The following ATP13A5 variants were observed in gnomAD, a reference collection of about 807,000 sequenced individuals.
ATP13A5 encodes the protein probable cation-transporting ATPase 13A5.
Under a neutral mutation model 150.2 loss-of-function variants are expected in ATP13A5, and 149 were observed. The ratio of observed to expected loss-of-function variants is 0.99; its 90% CI spans 0.87 to 1.14. The LOEUF is 1.14. ATP13A5 is among the 50% of genes most tolerant of loss of function. The pLI, the probability that ATP13A5 is intolerant of heterozygous loss-of-function variation, is 0.00. For synonymous variants in ATP13A5, 497 were observed against 522.2 expected (o/e 0.95, Z 0.66); for missense variants, 1,383 against 1,449.3 (o/e 0.95, Z 0.74).
intron 16 of ATP13A5, among the ~76,000 whole-genome samples, chr3:193,320,007 T>C (rs1001931492): frequency 2.6e-5 from 4 of 152,248 alleles, no homozygotes; most frequent in Admixed American, 1.3e-4. Context: ...AGGTGAAAGA[T>C]GACACAATGC....
At chr3:193,360,835 C>G (rs1386271327) in intron 5 of ATP13A5, among the ~76,000 whole-genome samples, 3 of 152,144 alleles carry the variant, frequency 2.0e-5, no homozygotes, top group African/African-American at 7.2e-5. Context: ...GGCCACCACG[C>G]CTGGCTAACT....
At chr3:193,285,597 A>T (rs1471469439) in intron 26 of ATP13A5, among the ~76,000 whole-genome samples, 2 of 152,098 alleles carry the variant, frequency 1.3e-5, no homozygotes, top group Non-Finnish European at 2.9e-5. Context: ...ATTAAGCTCA[A>T]ACTTCTCCAA....
intron 9 of ATP13A5, among the ~76,000 whole-genome samples, chr3:193,336,304 T>G (rs1711857419): frequency 6.6e-6 from 1 of 152,166 alleles, no homozygotes; most frequent in Non-Finnish European, 1.5e-5. Context: ...TTGTTACATA[T>G]GTATACATGT....
At chr3:193,321,592 C>G in intron 16 of ATP13A5, 89 bp downstream of exon 16, 1 of 1,445,722 alleles carries the variant, frequency 6.9e-7, no homozygotes. Flanking sequence ...GATCGTGCCA[C>G]TGCACTCCAG....
intron 27 of ATP13A5, among the ~76,000 whole-genome samples, chr3:193,281,874 G>A (rs75480165): frequency 0.011 from 1,600 of 152,176 alleles, 53 homozygotes; most frequent in East Asian, 0.072. Context: ...CTCAATTCAT[G>A]TAAAAGGACT....
intron 16 of ATP13A5, among the ~76,000 whole-genome samples, chr3:193,321,080 C>G (rs1377616837): frequency 6.6e-6 from 1 of 152,168 alleles, no homozygotes; most frequent in African/African-American, 2.4e-5. Context: ...ATTCACACCT[C>G]CCCTAGTTCT....
At chr3:193,308,434 G>C (rs2108848103) in intron 21 of ATP13A5, among the ~76,000 whole-genome samples, 1 of 152,282 alleles carries the variant, frequency 6.6e-6, no homozygotes, top group Admixed American at 6.5e-5. Flanking sequence ...ACTCCAGCCT[G>C]GGCAACAAAG....
At chr3:193,276,899 A>C (rs1444706326) in intron 28 of ATP13A5, 69 bp from the exon 29 acceptor site, 1 of 1,130,392 alleles carries the variant, frequency 8.8e-7, no homozygotes, top group African/African-American at 1.6e-5. Context: ...CATATTAATT[A>C]TTTAATTTAT....
intron 5 of ATP13A5, among the ~76,000 whole-genome samples, chr3:193,360,299 T>C (rs1290492470): frequency 6.6e-6 from 1 of 151,850 alleles, no homozygotes; most frequent in Non-Finnish European, 1.5e-5. Context: ...ATCTGCATTT[T>C]CTCTCTCTAC....
chr3:193,331,487 C>T (rs1018150199), intron 11 of ATP13A5, among the ~76,000 whole-genome samples, 176 bp from the exon 12 acceptor site: 2 of 152,166 alleles, frequency 1.3e-5, no homozygotes, highest in African/African-American at 4.8e-5. Flanking sequence ...TTAGCATTCC[C>T]TCTGCCCAAG....
intron 22 of ATP13A5, among the ~76,000 whole-genome samples, chr3:193,306,843 G>A (rs1345094371): frequency 1.3e-5 from 2 of 152,146 alleles, no homozygotes; most frequent in Non-Finnish European, 2.9e-5. Flanking sequence ...AAAGAGTTCT[G>A]GGTGAAGCAA....
At position 193,311,924 on chromosome 3, in the gene ATP13A5, A is replaced by G. The variant is rs1429521691; in HGVS notation, c.2337T>C (p.Thr779=). The change falls in exon 20 of 30, where the codon ACT becomes ACC. Residue 779 remains threonine, a synonymous_variant. Transcript: ENST00000342358. ...GPGKKEIYMH[T]GNSSTPRGEG... ...CCCCACGAGGGGTTGAACTGTTTCC[A>G]GTATGCATGTAGATTTCCTAAAATC... 6.2e-7 allele frequency: 1 copy of G among 1,613,762 alleles called. No homozygotes were observed. Among genetic ancestry groups the G allele is most frequent in the Non-Finnish European group, 8.5e-7 (1 of 1,179,818 alleles).
chr3:193,341,127 G>A (rs1426064358), intron 9 of ATP13A5, among the ~76,000 whole-genome samples: 2 of 151,906 alleles, frequency 1.3e-5, no homozygotes, highest in South Asian at 2.1e-4. Flanking sequence ...AAGAAAAAAA[G>A]CTATAGTGCC....
rs745469118 is a variant in ATP13A5 at position 193,335,050 on chromosome 3, A to G, written c.993T>C (p.Thr331=). The part of the protein sequence containing the change: ...TKTPLPQMEN[T]MPWKCHSLED... Reference sequence around the variant, plus strand: ...CCAAACTGTGACATTTCCAAGGCATAGTGTTCTCCATCTGGGGCAATGGTG... The same window carrying G: ...CCAAACTGTGACATTTCCAAGGCATGGTGTTCTCCATCTGGGGCAATGGTG... Residue 331 remains threonine, a synonymous_variant, in exon 10 of 30, where the codon ACT becomes ACC. Coordinates refer to ENST00000342358, the MANE Select transcript of ATP13A5 (RefSeq NM_198505.4). The G allele has an allele frequency of 1.9e-6, 3 of 1,613,960 alleles. No homozygotes were observed. The highest frequency in any genetic ancestry group is 4.5e-5 in the East Asian group (2 of 44,882).
chr3:193,362,326 G>C (rs1713042856), intron 5 of ATP13A5, 55 bp downstream of exon 5: 14 of 1,458,916 alleles, frequency 9.6e-6, no homozygotes, highest in Middle Eastern at 1.7e-4. Flanking sequence ...TAACTGATTT[G>C]ATACTTCATT....
intron 23 of ATP13A5, among the ~76,000 whole-genome samples, chr3:193,302,152 C>T (rs1718425681): frequency 6.6e-6 from 1 of 152,110 alleles, no homozygotes; most frequent in South Asian, 2.1e-4. Flanking sequence ...CATTTCTACT[C>T]CCCAGTAACA....
intron 15 of ATP13A5, 73 bp from the exon 16 acceptor site, chr3:193,321,910 G>T: frequency 6.6e-7 from 1 of 1,514,118 alleles, no homozygotes; most frequent in Non-Finnish European, 9.0e-7. Context: ...CAACAAAAGG[G>T]CTTTACTGTG....
chr3:193,278,814 G>A (rs925215066), intron 28 of ATP13A5, among the ~76,000 whole-genome samples: 8 of 152,060 alleles, frequency 5.3e-5, no homozygotes, highest in African/African-American at 1.5e-4. Flanking sequence ...TCTATGACTC[G>A]GAGATCAGGA....
intron 25 of ATP13A5, among the ~76,000 whole-genome samples, chr3:193,293,514 A>T (rs13099060): frequency 2.4e-3 from 358 of 152,200 alleles, no homozygotes; most frequent in Middle Eastern, 6.8e-3. Flanking sequence ...ATCCTGTCTC[A>T]TTCCACATTC....
Sources: allele counts gnomAD v4.1 joint callset (sites outside exome capture counted in the v4.1 genomes callset), GRCh38; gene constraint gnomAD v4.1.1; transcripts MANE v1.5; gene names NCBI Gene and HGNC (gene_info 2026-07-23, HGNC 2026-07-21).